The following CSMD1 variants were observed in gnomAD, a reference collection of about 807,000 sequenced individuals.
CSMD1 encodes CUB and sushi domain-containing protein 1.
Under a neutral mutation model 417.5 loss-of-function variants are expected in CSMD1, and 213 were observed. The observed-to-expected ratio is 0.51, with a 90% confidence interval of 0.46 to 0.57. The LOEUF is 0.57. Ranked by LOEUF, CSMD1 falls within the 20% of genes least tolerant of loss-of-function variation. The pLI is 0.00. For synonymous variants in CSMD1, 2,862 were observed against 1,736.8 expected, an observed-to-expected ratio of 1.65 and a Z score of -16.11; for missense variants, 6,923 against 4,529.7, an observed-to-expected ratio of 1.53 and a Z score of -15.17.
chr8:4,323,338 T>G (rs1190481634), intron 3 of CSMD1, among the ~76,000 whole-genome samples: 1 of 152,150 alleles, frequency 6.6e-6, no homozygotes, highest in African/African-American at 2.4e-5. Context: ...CTAAAATTCA[T>G]GAAAAGTGAG....
Position 4,466,724 on chromosome 8 carries a change from A to C in CSMD1, c.303-46659T>G, listed in dbSNP as rs543500204. On this transcript the variant is annotated intron_variant, in intron 2 of 69. Transcript: ENST00000635120. Reference sequence around the variant, plus strand: ...TTTTAAAAATTTTAAAATGGTGTACAACAAATACATATTTCCAATAATACT... The same window carrying C: ...TTTTAAAAATTTTAAAATGGTGTACCACAAATACATATTTCCAATAATACT... Among the ~76,000 whole-genome samples, 277 of 152,308 alleles carry C rather than the reference A, an allele frequency of 1.8e-3. 1 individual carries two copies. Among genetic ancestry groups the C allele is most frequent in the African/African-American group, 6.5e-3 (269 of 41,554 alleles).
At chr8:3,981,030 G>C (rs1157960527) in intron 5 of CSMD1, among the ~76,000 whole-genome samples, 2 of 152,060 alleles carry the variant, frequency 1.3e-5, no homozygotes, top group East Asian at 3.9e-4. Context: ...CTATCCTGTA[G>C]TAACCATGAA....
intron 5 of CSMD1, among the ~76,000 whole-genome samples, chr8:3,965,186 G>C (rs1378155332): frequency 6.6e-6 from 1 of 152,120 alleles, no homozygotes; most frequent in Non-Finnish European, 1.5e-5. Flanking sequence ...CATAACAAAA[G>C]ACCAGGAGAC....
At chr8:3,445,748 C>T (rs1392158648) in intron 12 of CSMD1, among the ~76,000 whole-genome samples, 1 of 151,984 alleles carries the variant, frequency 6.6e-6, no homozygotes, top group Non-Finnish European at 1.5e-5. Flanking sequence ...TCCACAAGAA[C>T]AAGAACAAAG....
chr8:3,903,316 T>C (rs1807887701), intron 5 of CSMD1, among the ~76,000 whole-genome samples: 1 of 92,702 alleles, frequency 1.1e-5, no homozygotes, highest in African/African-American at 4.7e-5. Context: ...CAGGATGAAT[T>C]AATCTGTCCA....
At position 3,616,695 on chromosome 8, in the gene CSMD1, T is replaced by C. The variant is rs992314140; in HGVS notation, c.1097+15A>G. 1 of 1,521,078 alleles carries C rather than the reference T, an allele frequency of 6.6e-7. No individual in the cohort carries two copies. The highest frequency in any genetic ancestry group is 9.1e-7 in the Non-Finnish European group (1 of 1,096,628). 94.2% of individuals were successfully genotyped at this position (1,521,078 alleles called of 1,614,324 possible). ...AAAATAACATGCTTTTTTCCACCAC[T>C]ATTGTATCTCTTACCTGAAGTCGGA... is the stretch of plus-strand genomic sequence containing the variant. On this transcript the variant is annotated intron_variant, in intron 8 of 69. Transcript: ENST00000635120.
intron 1 of CSMD1, among the ~76,000 whole-genome samples, chr8:4,775,257 T>C (rs1478034989): frequency 2.0e-5 from 3 of 152,280 alleles, no homozygotes; most frequent in Non-Finnish European, 4.4e-5. Flanking sequence ...GGATGAATCA[T>C]AGAAAAACTG....
chr8:4,186,248 G>A (rs1393833144), intron 3 of CSMD1, among the ~76,000 whole-genome samples: 1 of 152,142 alleles, frequency 6.6e-6, no homozygotes, highest in African/African-American at 2.4e-5. Flanking sequence ...CATACTCACT[G>A]CAGCAGAGGG....
At chr8:4,124,844 T>C (rs779323156) in intron 3 of CSMD1, among the ~76,000 whole-genome samples, 4 of 151,928 alleles carry the variant, frequency 2.6e-5, no homozygotes, top group Non-Finnish European at 5.9e-5. Context: ...CACAAGCAGA[T>C]ACAAAATAAA....
chr8:3,548,565 G>T (rs1284344675), intron 10 of CSMD1, among the ~76,000 whole-genome samples: 1 of 151,458 alleles, frequency 6.6e-6, no homozygotes, highest in Non-Finnish European at 1.5e-5. Flanking sequence ...CCATTCCTGA[G>T]TTACTTCACT....
intron 42 of CSMD1, among the ~76,000 whole-genome samples, chr8:3,117,285 A>G (rs1214761189): frequency 1.3e-5 from 2 of 152,050 alleles, no homozygotes; most frequent in African/African-American, 2.4e-5. Context: ...GTTAGCCAGG[A>G]TGGTCTTGAT....
At chr8:4,511,271 T>C (rs187727580) in intron 2 of CSMD1, among the ~76,000 whole-genome samples, 21 of 152,172 alleles carry the variant, frequency 1.4e-4, no homozygotes, top group Non-Finnish European at 2.4e-4. Flanking sequence ...TTTCCAGAAA[T>C]AGTCCCAGGG....
At chr8:3,983,737 T>TA (rs1223298190) in intron 5 of CSMD1, among the ~76,000 whole-genome samples, 1 of 152,224 alleles carries the variant, frequency 6.6e-6, no homozygotes, top group Non-Finnish European at 1.5e-5. Context: ...GATGTTCCCC[T>TA]AGTCTGGTAG....
At chr8:3,626,494 A>C (rs1197458334) in intron 7 of CSMD1, among the ~76,000 whole-genome samples, 1 of 152,072 alleles carries the variant, frequency 6.6e-6, no homozygotes, top group Non-Finnish European at 1.5e-5. Context: ...TATTTTAGAA[A>C]CATATATAGT....
intron 12 of CSMD1, among the ~76,000 whole-genome samples, chr8:3,446,710 A>G (rs1303153199): frequency 6.6e-6 from 1 of 152,204 alleles, no homozygotes; most frequent in Admixed American, 6.5e-5. Flanking sequence ...ATTCTTGAAA[A>G]CTATTTTACT....
At chr8:4,447,016 G>A (rs1258672719) in intron 2 of CSMD1, among the ~76,000 whole-genome samples, 2 of 152,074 alleles carry the variant, frequency 1.3e-5, no homozygotes, top group Admixed American at 6.6e-5. Flanking sequence ...GCATGGAAGG[G>A]ATTGTGGAGT....
At chr8:4,525,630 T>C (rs908944173) in intron 2 of CSMD1, among the ~76,000 whole-genome samples, 1 of 152,018 alleles carries the variant, frequency 6.6e-6, no homozygotes, top group Admixed American at 6.6e-5. Context: ...GTAATAGCGG[T>C]TTTTGTCATT....
intron 3 of CSMD1, among the ~76,000 whole-genome samples, chr8:4,320,446 T>G (rs2128883787): frequency 6.6e-6 from 1 of 152,094 alleles, no homozygotes; most frequent in South Asian, 2.1e-4. Flanking sequence ...GCCATGATGG[T>G]TTTCTGCACC....
intron 1 of CSMD1, among the ~76,000 whole-genome samples, chr8:4,720,780 C>T (rs921214182): frequency 6.6e-6 from 1 of 152,150 alleles, no homozygotes; most frequent in Non-Finnish European, 1.5e-5. Flanking sequence ...TTGGTCCATA[C>T]TTTGTGACTT....
Sources: gnomAD v4.1 joint callset for allele counts (sites outside exome capture counted in the v4.1 genomes callset) on GRCh38, gnomAD v4.1.1 for gene constraint, MANE v1.5 for transcripts, NCBI Gene and HGNC (gene_info 2026-07-23, HGNC 2026-07-21) for gene names.